The following PPP3CA variants were observed in gnomAD, a reference collection of about 807,000 sequenced individuals.
The protein encoded by PPP3CA is CAM-PRP catalytic subunit.
Under a neutral mutation model 66.5 loss-of-function variants are expected in PPP3CA, and 14 were observed. That is an observed-to-expected ratio of 0.21 (90% confidence interval 0.14 to 0.33). The LOEUF is 0.33. Ranked by LOEUF, PPP3CA falls within the 10% of genes least tolerant of loss-of-function variation. The probability of loss-of-function intolerance (pLI) is 1.00; values close to 1 mark genes in which losing one functional copy is unlikely to be tolerated. For missense variants in PPP3CA, 317 were observed against 639.5 expected, an observed-to-expected ratio of 0.50 and a Z score of 5.44; for synonymous variants, 232 against 226.2, an observed-to-expected ratio of 1.03 and a Z score of -0.23.
rs558756303 is a variant in PPP3CA at position 101,151,364 on chromosome 4, A to T, written c.260-42286T>A. ...ATCACGAGGTCAGGAGTTCAAAACC[A>T]GCCTGGCCAAGATGGTGAAACACCG... On this transcript the variant is annotated intron_variant, in intron 2 of 13. Transcript: ENST00000394854. 2.6e-4 allele frequency among the ~76,000 whole-genome samples: 39 copies of T among 152,118 alleles called. No homozygotes were observed. The South Asian group carries it at 6.2e-3, about 24-fold the overall frequency.
At chr4:101,207,430 C>T (rs1331758962) in intron 1 of PPP3CA, among the ~76,000 whole-genome samples, 3 of 152,188 alleles carry the variant, frequency 2.0e-5, no homozygotes, top group Admixed American at 6.5e-5. Context: ...GCCTCCTTTT[C>T]CCTTCTTTTT....
intron 13 of PPP3CA, among the ~76,000 whole-genome samples, chr4:101,026,769 G>A (rs1283593795): frequency 6.6e-6 from 1 of 152,124 alleles, no homozygotes; most frequent in East Asian, 1.9e-4. Flanking sequence ...AGGTAGAAAT[G>A]TATCGTCTGC....
chr4:101,106,460 GAAAAGAAAA>G lies in PPP3CA; in HGVS notation c.384+2485_384+2493del, dbSNP rs1730739405. Reference sequence around the variant, plus strand: ...AAGAAAGAAAGAAAGAAAGAGAAAAGAAAAGAAAAGAAAAGAAAAGAAAAGAAAAGAAAA... The same window carrying G: ...AAGAAAGAAAGAAAGAAAGAGAAAAGGAAAAGAAAAGAAAAGAAAAGAAAA... On this transcript the variant is annotated intron_variant, in intron 3 of 13. Coordinates refer to ENST00000394854, the MANE Select transcript of PPP3CA (RefSeq NM_000944.5). Among the ~76,000 whole-genome samples, 21 of 23,484 alleles carry G rather than the reference GAAAAGAAAA, an allele frequency of 8.9e-4. 4 individuals carry two copies. The highest frequency in any genetic ancestry group is 3.9e-3 in the African/African-American group (21 of 5,328). 15.4% of individuals were successfully genotyped at this position (23,484 alleles called of 152,430 possible). A position where few individuals can be genotyped will look rare whatever the true frequency, so the allele number is the denominator to read the frequency against.
chr4:101,156,967 A>G (rs1407896248), intron 2 of PPP3CA, among the ~76,000 whole-genome samples: 1 of 152,260 alleles, frequency 6.6e-6, no homozygotes, highest in South Asian at 2.1e-4. Flanking sequence ...CAGACAAAAT[A>G]GGCAGGAAAT....
chr4:101,221,019 TGTCAAAG>T (rs1725608234), intron 1 of PPP3CA, among the ~76,000 whole-genome samples: 1 of 151,754 alleles, frequency 6.6e-6, no homozygotes, highest in Non-Finnish European at 1.5e-5. Flanking sequence ...TCAAAAATTA[TGTCAAAG>T]TAGAGTTGAA....
rs143117667 is a variant in PPP3CA at position 101,112,687 on chromosome 4, C to A, written c.260-3609G>T. Among the ~76,000 whole-genome samples the A allele has an allele frequency of 2.6e-5, 4 of 152,288 alleles. No homozygotes were observed. In the East Asian group the frequency reaches 7.7e-4, roughly 29 times the overall value. On this transcript the variant is annotated intron_variant, in intron 2 of 13. Coordinates refer to ENST00000394854, the MANE Select transcript of PPP3CA (RefSeq NM_000944.5). ...TTTCATCCATAAAGTCTCACATACA[C>A]GTCACATGCTCAGTAAGGTCTTTCT...
chr4:101,088,095 C>T (rs990855383), intron 6 of PPP3CA, among the ~76,000 whole-genome samples: 2 of 152,178 alleles, frequency 1.3e-5, no homozygotes, highest in East Asian at 3.9e-4. Flanking sequence ...GGTTAGGATT[C>T]CCAACACACT....
chr4:101,107,630 A>C (rs915252012), intron 3 of PPP3CA, among the ~76,000 whole-genome samples: 3 of 152,246 alleles, frequency 2.0e-5, no homozygotes, highest in Admixed American at 2.0e-4. Context: ...TGTCTACATA[A>C]ACTTTTCTGT....
chr4:101,296,257 C>T (rs991567807), intron 1 of PPP3CA, among the ~76,000 whole-genome samples: 3 of 152,048 alleles, frequency 2.0e-5, no homozygotes, highest in Non-Finnish European at 4.4e-5. Context: ...TTTTAAATTT[C>T]TATTGGTATG....
At chr4:101,055,810 C>A (rs1728200916) in intron 10 of PPP3CA, among the ~76,000 whole-genome samples, 2 of 151,914 alleles carry the variant, frequency 1.3e-5, no homozygotes, top group South Asian at 4.1e-4. Flanking sequence ...AATAATACTG[C>A]AAAATCTATT....
intron 12 of PPP3CA, among the ~76,000 whole-genome samples, chr4:101,030,894 T>C (rs562312446): frequency 2.4e-4 from 37 of 152,122 alleles, no homozygotes; most frequent in Admixed American, 4.6e-4. Flanking sequence ...ATTTTGGACA[T>C]GTAAATGATC....
intron 6 of PPP3CA, among the ~76,000 whole-genome samples, chr4:101,083,678 A>G (rs1729538175): frequency 6.6e-6 from 1 of 152,236 alleles, no homozygotes; most frequent in African/African-American, 2.4e-5. Flanking sequence ...GTATGTGTAT[A>G]CAACAGAGAT....
intron 1 of PPP3CA, among the ~76,000 whole-genome samples, chr4:101,297,205 C>T (rs1728225306): frequency 6.6e-6 from 1 of 152,140 alleles, no homozygotes; most frequent in African/African-American, 2.4e-5. Context: ...GTCTGGGCTT[C>T]CCTAATCTTC....
intron 1 of PPP3CA, among the ~76,000 whole-genome samples, chr4:101,225,002 C>A (rs538205650): frequency 8.6e-5 from 13 of 151,890 alleles, no homozygotes; most frequent in Non-Finnish European, 1.3e-4. Context: ...CCAGCAGACA[C>A]ACCCCTGCCT....
intron 5 of PPP3CA, among the ~76,000 whole-genome samples, chr4:101,094,978 C>CTAT (rs1054297772): frequency 7.3e-5 from 11 of 151,462 alleles, no homozygotes; most frequent in Non-Finnish European, 1.3e-4. Flanking sequence ...ATCAAATTGT[C>CTAT]TATTTTTTTT....
rs554558137 is a variant in PPP3CA, at chr4:101,185,957, G to A, written c.259+9959C>T. Among the ~76,000 whole-genome samples, 4 of 152,254 alleles carry A rather than the reference G, an allele frequency of 2.6e-5. No homozygotes were observed. In the South Asian group the frequency reaches 6.2e-4, roughly 24 times the overall value. On this transcript the variant is annotated intron_variant, in intron 2 of 13. Transcript: ENST00000394854. ...AGAGTTACTGCTGAGTTCATTCATT[G>A]CTTAAAACAGAAGCTGAAATATTAG...
chr4:101,261,550 CCA>C (rs1560686377), intron 1 of PPP3CA, among the ~76,000 whole-genome samples: 1 of 151,952 alleles, frequency 6.6e-6, no homozygotes, highest in East Asian at 1.9e-4. Context: ...TTTGCAAACA[CCA>C]CAGTTAACTC....
rs531611895 is a variant in PPP3CA at position 101,136,596 on chromosome 4, A to G, written c.260-27518T>C. Among the ~76,000 whole-genome samples the G allele has an allele frequency of 5.3e-5, 8 of 151,896 alleles. No individual in the cohort carries two copies. The South Asian group carries it at 1.2e-3, about 24-fold the overall frequency. Reference sequence around the variant, plus strand: ...TTTTAAAGGAGCACTCCAGTATTATAACAAGGATTTTGTTGCTGGACTTCC... The same window carrying G: ...TTTTAAAGGAGCACTCCAGTATTATGACAAGGATTTTGTTGCTGGACTTCC... On this transcript the variant is annotated intron_variant, in intron 2 of 13. Transcript: ENST00000394854.
At chr4:101,077,750 T>C (rs1729252656) in intron 8 of PPP3CA, among the ~76,000 whole-genome samples, 1 of 152,042 alleles carries the variant, frequency 6.6e-6, no homozygotes, top group Non-Finnish European at 1.5e-5. Flanking sequence ...TCCTGAGAGA[T>C]TCTGATCTAC....
Sources: gnomAD v4.1 joint callset for allele counts (sites outside exome capture counted in the v4.1 genomes callset) on GRCh38, gnomAD v4.1.1 for gene constraint, MANE v1.5 for transcripts, NCBI Gene and HGNC (gene_info 2026-07-23, HGNC 2026-07-21) for gene names.